Variants in PPHLN1 observed in about 807,000 individuals in gnomAD.
PPHLN1 encodes periphilin-1.
PPHLN1 carries 29 observed loss-of-function variants against 51.3 expected under a neutral mutation model. The observed-to-expected ratio is 0.57, with a 90% CI of 0.42 to 0.77. The LOEUF (loss-of-function observed/expected upper bound fraction) is 0.77. PPHLN1 is among the 30% of genes least tolerant of loss of function. The probability of loss-of-function intolerance (pLI) is 0.00; values close to 1 mark genes in which losing one functional copy is unlikely to be tolerated. For synonymous variants in PPHLN1, 147 were observed against 147.8 expected (o/e 0.99, Z 0.04); for missense variants, 436 against 438.4 (o/e 0.99, Z 0.05).
intron 6 of PPHLN1, chr12:42,386,872 A>C (rs2139048809): frequency 6.6e-6 from 1 of 152,372 alleles, no homozygotes; most frequent in South Asian, 2.1e-4. Flanking sequence ...AAAGGTAAAG[A>C]TTAGTGACTT....
chr12:42,411,903 C>CAA (rs1212289027), intron 9 of PPHLN1, among the ~76,000 whole-genome samples: 929 of 33,956 alleles, frequency 0.027, 103 homozygotes, highest in African/African-American at 0.074. Context: ...GACTCAGTCT[C>CAA]AAAAAAAAAA....
downstream of PPHLN1, chr12:42,446,438 C>A: frequency 1.5e-6 from 2 of 1,329,378 alleles, no homozygotes; most frequent in Non-Finnish European, 1.0e-6. Flanking sequence ...GACTAACATA[C>A]CCCCAGTGGG....
chr12:42,424,273 G>A (rs556926142), intron 9 of PPHLN1, among the ~76,000 whole-genome samples: 2 of 152,300 alleles, frequency 1.3e-5, no homozygotes, highest in South Asian at 4.1e-4. Context: ...CCTTCAGCAA[G>A]TAAAGGCAAA....
intron 4 of PPHLN1, 66 bp from the exon 5 acceptor site, chr12:42,374,797 C>A: frequency 7.7e-7 from 1 of 1,306,638 alleles, no homozygotes; most frequent in Non-Finnish European, 1.1e-6. Flanking sequence ...AGAGCTTTTG[C>A]CATTGTGCTT....
chr12:42,360,110 C>CA (rs10643805), intron 4 of PPHLN1, among the ~76,000 whole-genome samples: 39,580 of 122,928 alleles, frequency 0.32, 7,830 homozygotes, highest in Non-Finnish European at 0.41. Flanking sequence ...GACTCCATCT[C>CA]AAAAAAAAAA....
At chr12:42,391,909 G>A (rs2077751868) in intron 7 of PPHLN1, among the ~76,000 whole-genome samples, 1 of 152,050 alleles carries the variant, frequency 6.6e-6, no homozygotes, top group African/African-American at 2.4e-5. Flanking sequence ...AACATCAAAT[G>A]ACCTTTTCAG....
At chr12:42,428,961 ACTC>A (rs910005415) in intron 9 of PPHLN1, among the ~76,000 whole-genome samples, 2 of 151,462 alleles carry the variant, frequency 1.3e-5, no homozygotes, top group Admixed American at 6.6e-5. Flanking sequence ...AATTAAGCCT[ACTC>A]CTCCTTGCTT....
chr12:42,427,433 T>A (rs2081597562), intron 9 of PPHLN1, among the ~76,000 whole-genome samples: 1 of 152,154 alleles, frequency 6.6e-6, no homozygotes, highest in Non-Finnish European at 1.5e-5. Flanking sequence ...CATAGATCAA[T>A]GGAACAGAAT....
In PPHLN1 at chr12:42,413,763, A is replaced by G. The variant is rs138341602; in HGVS notation, c.909+14769A>G. On this transcript the variant is annotated intron_variant, in intron 9 of 9. Transcript: ENST00000358314. The stretch of plus-strand genomic sequence containing the variant: ...TTTTAATAGAGACGAGGTTTCAGCC[A>G]TGTTGTCCAGGCTGGCCTCAAACTT... Among the ~76,000 whole-genome samples, 441 of 152,038 alleles carry G rather than the reference A, an allele frequency of 2.9e-3. 4 individuals carry two copies. The highest frequency in any genetic ancestry group is 4.0e-3 in the Non-Finnish European group (270 of 67,982).
Position 42,441,630 on chromosome 12 carries a change from C to A in PPHLN1, c.*121C>A, listed in dbSNP as rs923363818. On this transcript the variant is annotated 3_prime_UTR_variant, in exon 10 of 10. Transcript: ENST00000358314. ...CAGAGAAATACTTTATGATAGTTGA[C>A]AACATTTCAGTATTAAATAAACATC... The A allele has an allele frequency of 6.0e-6, 8 of 1,323,482 alleles. No individual in the cohort carries two copies. Among genetic ancestry groups the A allele is most frequent in the Non-Finnish European group, 7.8e-6 (8 of 1,024,282 alleles). 82.0% of individuals were successfully genotyped at this position (1,323,482 alleles called of 1,614,324 possible).
intron 9 of PPHLN1, among the ~76,000 whole-genome samples, chr12:42,438,649 T>G (rs2082680273): frequency 6.6e-6 from 1 of 152,254 alleles, no homozygotes; most frequent in Non-Finnish European, 1.5e-5. Context: ...TAGCTCAGGC[T>G]GGAGTGCAGT....
downstream of PPHLN1, chr12:42,447,986 C>G (rs2083377554): frequency 6.6e-6 from 1 of 152,114 alleles, no homozygotes; most frequent in South Asian, 2.1e-4. Context: ...GTATTCTTCC[C>G]TCATATGAGC....
At chr12:42,329,224 T>C (rs972758755) in intron 1 of PPHLN1, among the ~76,000 whole-genome samples, 29 of 151,794 alleles carry the variant, frequency 1.9e-4, no homozygotes, top group South Asian at 4.2e-4. Context: ...GCCTCAGCCT[T>C]CCGAGTAGCT....
At chr12:42,396,654 G>A (rs1264469788) in intron 8 of PPHLN1, among the ~76,000 whole-genome samples, 8 of 123,510 alleles carry the variant, frequency 6.5e-5, no homozygotes, top group South Asian at 3.1e-4. Context: ...AAAAAGCTGG[G>A]TGTGGTGGCC....
chr12:42,384,171 A>G (rs996525338), intron 5 of PPHLN1, among the ~76,000 whole-genome samples: 1 of 152,074 alleles, frequency 6.6e-6, no homozygotes, highest in African/African-American at 2.4e-5. Context: ...CAATATTTTC[A>G]TGATGTTTCT....
intron 5 of PPHLN1, among the ~76,000 whole-genome samples, chr12:42,382,973 C>CAA (rs924613933): frequency 6.6e-6 from 1 of 151,400 alleles, no homozygotes; most frequent in Admixed American, 6.6e-5. Context: ...AAAAACAAAA[C>CAA]AAAAAAAACA....
At chr12:42,335,209 C>T (rs933011301) in intron 1 of PPHLN1, among the ~76,000 whole-genome samples, 4 of 151,842 alleles carry the variant, frequency 2.6e-5, no homozygotes, top group East Asian at 1.9e-4. Context: ...AAGAATACAC[C>T]GTCCCACCCC....
chr12:42,417,633 T>C (rs1413502801), intron 9 of PPHLN1, among the ~76,000 whole-genome samples: 2 of 152,126 alleles, frequency 1.3e-5, no homozygotes, highest in South Asian at 2.1e-4. Flanking sequence ...TTATCCATAA[T>C]TGACCAAGTA....
intron 4 of PPHLN1, among the ~76,000 whole-genome samples, chr12:42,361,089 T>A (rs2074625267): frequency 6.6e-6 from 1 of 152,034 alleles, no homozygotes; most frequent in Admixed American, 6.6e-5. Context: ...TAGCCCCCCA[T>A]TATGATAGTA....
Sources: gnomAD v4.1 joint callset for allele counts (sites outside exome capture counted in the v4.1 genomes callset) on GRCh38, gnomAD v4.1.1 for gene constraint, MANE v1.5 for transcripts, NCBI Gene and HGNC (gene_info 2026-07-23, HGNC 2026-07-21) for gene names.